Variants in RPS6KC1 observed in about 807,000 individuals in gnomAD.
RPS6KC1 encodes the protein inactive ribosomal protein S6 kinase delta-1.
A neutral mutation model predicts 103.8 loss-of-function variants in RPS6KC1; 54 were observed. The ratio of observed to expected loss-of-function variants is 0.52; its 90% CI spans 0.42 to 0.65. The LOEUF is 0.65. Ranked by LOEUF, RPS6KC1 falls within the 30% of genes least tolerant of loss-of-function variation. The pLI, the probability that RPS6KC1 is intolerant of heterozygous loss-of-function variation, is 0.00. For synonymous variants in RPS6KC1, 439 were observed against 438.7 expected (o/e 1.00, Z -0.01); for missense variants, 1,151 against 1,253.8 (o/e 0.92, Z 1.24).
the RPS6KC1 span, among the ~76,000 whole-genome samples, chr1:213,862,345 G>A: frequency 7.2e-5 from 11 of 152,130 alleles, no homozygotes; most frequent in Non-Finnish European, 1.5e-4. Context: ...CCTCTCTGCC[G>A]ATGGTCCGGA....
At chr1:213,626,257 G>A in the RPS6KC1 span, among the ~76,000 whole-genome samples, 1 of 152,132 alleles carries the variant, frequency 6.6e-6, no homozygotes, top group East Asian at 1.9e-4. Flanking sequence ...CATATCCTTT[G>A]CCCACTTTTT....
chr1:213,167,439 A>AACACACACACAC lies in RPS6KC1; in HGVS notation c.836-379_836-368dup, dbSNP rs199762137. Among the ~76,000 whole-genome samples the AACACACACACAC allele has an allele frequency of 6.0e-3, 457 of 75,978 alleles. 8 individuals are homozygous for AACACACACACAC. Among genetic ancestry groups the AACACACACACAC allele is most frequent in the Admixed American group, 0.016 (137 of 8,654 alleles). The allele number at this position is 75,978 out of a possible 152,430, so 49.8% of individuals were successfully genotyped here. Reference sequence around the variant, plus strand: ...TTTTTAGAAAAAAACCAAGGTTGAAAACACACACACACACACACACACACA... The same window carrying AACACACACACAC: ...TTTTTAGAAAAAAACCAAGGTTGAAAACACACACACACACACACACACACACACACACACACA... On this transcript the variant is annotated intron_variant, in intron 6 of 14. Transcript: ENST00000366960.
At chr1:213,824,774 C>T in the RPS6KC1 span, among the ~76,000 whole-genome samples, 44,338 of 152,114 alleles carry the variant, frequency 0.29, 8,290 homozygotes, top group African/African-American at 0.52. Flanking sequence ...TGAGGCCTCC[C>T]CAGCCACACG....
chr1:213,086,212 C>T (rs1045938268), intron 3 of RPS6KC1, among the ~76,000 whole-genome samples: 6 of 152,120 alleles, frequency 3.9e-5, no homozygotes, highest in African/African-American at 1.4e-4. Context: ...GGTGTGCTTC[C>T]GTTCCTATTT....
At chr1:213,403,127 C>CA in the RPS6KC1 span, among the ~76,000 whole-genome samples, 962 of 149,782 alleles carry the variant, frequency 6.4e-3, 11 homozygotes, top group African/African-American at 0.022. Context: ...GACTCCGTCT[C>CA]AAAAAAAAAT....
the RPS6KC1 span, among the ~76,000 whole-genome samples, chr1:213,633,744 C>T: frequency 1.3e-5 from 2 of 151,480 alleles, no homozygotes; most frequent in Non-Finnish European, 2.9e-5. Context: ...TTAAAAGACA[C>T]ATACTGGCAA....
At chr1:213,673,202 C>T in the RPS6KC1 span, among the ~76,000 whole-genome samples, 1 of 152,212 alleles carries the variant, frequency 6.6e-6, no homozygotes, top group Non-Finnish European at 1.5e-5. Flanking sequence ...ATGTCCCACA[C>T]TATTATTCCC....
chr1:213,480,305 C>T, the RPS6KC1 span, among the ~76,000 whole-genome samples: 1 of 151,904 alleles, frequency 6.6e-6, no homozygotes, highest in African/African-American at 2.4e-5. Flanking sequence ...TGTATTTCTC[C>T]CCCTAAAGTT....
At chr1:213,419,468 C>A in the RPS6KC1 span, among the ~76,000 whole-genome samples, 1 of 152,184 alleles carries the variant, frequency 6.6e-6, no homozygotes, top group Non-Finnish European at 1.5e-5. Context: ...ATCTATTTAA[C>A]TATCCTGACT....
At chr1:213,688,113 G>A in the RPS6KC1 span, among the ~76,000 whole-genome samples, 1 of 152,004 alleles carries the variant, frequency 6.6e-6, no homozygotes, top group African/African-American at 2.4e-5. Context: ...GATAGCTCTT[G>A]TTGTCTCTAA....
chr1:213,445,851 G>A, the RPS6KC1 span, among the ~76,000 whole-genome samples: 1 of 152,120 alleles, frequency 6.6e-6, no homozygotes, highest in Non-Finnish European at 1.5e-5. Context: ...CGCATTCATG[G>A]TGCACAAAGC....
At chr1:213,343,692 A>C in the RPS6KC1 span, among the ~76,000 whole-genome samples, 1 of 151,812 alleles carries the variant, frequency 6.6e-6, no homozygotes, top group Non-Finnish European at 1.5e-5. Context: ...CATTGGGTAT[A>C]ATGTACATTG....
chr1:213,492,946 C>T, the RPS6KC1 span, among the ~76,000 whole-genome samples: 3 of 152,138 alleles, frequency 2.0e-5, no homozygotes, highest in African/African-American at 4.8e-5. Context: ...AAAGTAGAGC[C>T]GCATTCTAGA....
At chr1:213,417,761 GGA>G in the RPS6KC1 span, among the ~76,000 whole-genome samples, 4 of 152,198 alleles carry the variant, frequency 2.6e-5, no homozygotes, top group Non-Finnish European at 4.4e-5. Flanking sequence ...AGGATGAACA[GGA>G]GAGGTTGCTC....
intron 6 of RPS6KC1, among the ~76,000 whole-genome samples, chr1:213,153,287 G>GCAGAGGCAGGCA (rs1224036608): frequency 1.1e-4 from 17 of 151,656 alleles, no homozygotes; most frequent in African/African-American, 4.1e-4. Context: ...AAAGGCAGGC[G>GCAGAGGCAGGCA]CAGAGGCAGG....
chr1:213,458,255 G>A, the RPS6KC1 span, among the ~76,000 whole-genome samples: 1 of 152,104 alleles, frequency 6.6e-6, no homozygotes, highest in Admixed American at 6.6e-5. Flanking sequence ...ATGGTATTTG[G>A]TTTTCTGTTC....
the RPS6KC1 span, among the ~76,000 whole-genome samples, chr1:213,612,477 A>T: frequency 2.0e-5 from 3 of 152,158 alleles, no homozygotes; most frequent in Admixed American, 1.3e-4. Context: ...TCCTTCAACA[A>T]TTCATTTCAG....
At chr1:213,649,629 T>C in the RPS6KC1 span, among the ~76,000 whole-genome samples, 697 of 152,218 alleles carry the variant, frequency 4.6e-3, 5 homozygotes, top group Non-Finnish European at 6.1e-3. Flanking sequence ...CACTCCTCCT[T>C]TGTGTTCTCA....
At chr1:213,580,258 A>G in the RPS6KC1 span, among the ~76,000 whole-genome samples, 1 of 152,222 alleles carries the variant, frequency 6.6e-6, no homozygotes, top group Non-Finnish European at 1.5e-5. Context: ...TCAAGACTTC[A>G]GTGGAGGAAG....
Sources: allele counts gnomAD v4.1 joint callset (sites outside exome capture counted in the v4.1 genomes callset), GRCh38; gene constraint gnomAD v4.1.1; transcripts MANE v1.5; gene names NCBI Gene and HGNC (gene_info 2026-07-23, HGNC 2026-07-21).